The following NCOA1 variants were observed in gnomAD, a reference collection of about 807,000 sequenced individuals.
NCOA1 encodes nuclear receptor coactivator 1.
A neutral mutation model predicts 150.9 loss-of-function variants in NCOA1; 35 were observed. The observed-to-expected ratio is 0.23, with a 90% CI of 0.18 to 0.31. The LOEUF (loss-of-function observed/expected upper bound fraction) is 0.31. NCOA1 is among the 10% of genes least tolerant of loss of function. The pLI, the probability that NCOA1 is intolerant of heterozygous loss-of-function variation, is 1.00. For missense variants in NCOA1, 1,491 were observed against 1,749.3 expected, an observed-to-expected ratio of 0.85 and a Z score of 2.63; for synonymous variants, 590 against 630.0, an observed-to-expected ratio of 0.94 and a Z score of 0.95.
intron 1 of NCOA1, among the ~76,000 whole-genome samples, chr2:24,544,766 A>G (rs775285854): frequency 2.6e-5 from 4 of 152,186 alleles, no homozygotes; most frequent in Non-Finnish European, 5.9e-5. Flanking sequence ...GATTCTGTTA[A>G]TAAGACTTTC....
At chr2:24,534,149 A>G (rs947427052) in intron 1 of NCOA1, among the ~76,000 whole-genome samples, 4 of 152,060 alleles carry the variant, frequency 2.6e-5, no homozygotes, top group East Asian at 1.9e-4. Context: ...CAGAGATTCA[A>G]CTTCTTCCTG....
intron 19 of NCOA1, among the ~76,000 whole-genome samples, chr2:24,745,892 A>G (rs1005208353): frequency 3.3e-5 from 5 of 152,188 alleles, no homozygotes; most frequent in Non-Finnish European, 5.9e-5. Flanking sequence ...AACATTGTCT[A>G]TACTCTATCT....
chr2:24,585,322 G>A (rs963842384), intron 3 of NCOA1, among the ~76,000 whole-genome samples: 9 of 152,020 alleles, frequency 5.9e-5, no homozygotes, highest in Non-Finnish European at 1.3e-4. Flanking sequence ...CATGTTTTGT[G>A]CAAATACATT....
intron 13 of NCOA1, 75 bp from the exon 14 acceptor site, chr2:24,710,856 A>G: frequency 7.2e-7 from 1 of 1,397,210 alleles, no homozygotes; most frequent in African/African-American, 1.4e-5. Context: ...AGTTTAAAGA[A>G]GCAGCATTTT....
intron 3 of NCOA1, among the ~76,000 whole-genome samples, chr2:24,602,180 T>C (rs988475077): frequency 2.6e-5 from 4 of 152,036 alleles, no homozygotes; most frequent in African/African-American, 9.7e-5. Flanking sequence ...CAACAAGTAA[T>C]TGGATTGTTA....
chr2:24,651,794 T>G (rs940197135), intron 4 of NCOA1, among the ~76,000 whole-genome samples: 1 of 152,018 alleles, frequency 6.6e-6, no homozygotes, highest in Non-Finnish European at 1.5e-5. Flanking sequence ...CTTGGTGTCA[T>G]TAGTGATTAG....
At chr2:24,507,667 C>A (rs371277068) in intron 1 of NCOA1, among the ~76,000 whole-genome samples, 12 of 151,860 alleles carry the variant, frequency 7.9e-5, no homozygotes, top group African/African-American at 2.9e-4. Context: ...CTCCACGTCT[C>A]GGTACCAGGA....
At chr2:24,724,542 A>AT (rs1392276700) in intron 14 of NCOA1, among the ~76,000 whole-genome samples, 2 of 151,974 alleles carry the variant, frequency 1.3e-5, no homozygotes, top group African/African-American at 2.4e-5. Context: ...TAGTATGGGG[A>AT]TTTTTTTGTT....
At chr2:24,702,901 C>T (rs1673230894) in intron 11 of NCOA1, among the ~76,000 whole-genome samples, 1 of 152,198 alleles carries the variant, frequency 6.6e-6, no homozygotes, top group Admixed American at 6.5e-5. Context: ...GGAGCTGTGG[C>T]TACCTTACTC....
chr2:24,596,911 A>G (rs557081270), intron 3 of NCOA1, among the ~76,000 whole-genome samples: 4 of 152,298 alleles, frequency 2.6e-5, no homozygotes, highest in Admixed American at 6.5e-5. Context: ...TGGCTTTTCA[A>G]ACTGGAACAA....
intron 22 of NCOA1, among the ~76,000 whole-genome samples, chr2:24,764,759 T>C (rs1664961843): frequency 6.6e-6 from 1 of 152,206 alleles, no homozygotes; most frequent in South Asian, 2.1e-4. Context: ...AAAGGGAACA[T>C]CGATAGAAGT....
At chr2:24,722,418 G>A (rs1674399263) in intron 14 of NCOA1, among the ~76,000 whole-genome samples, 3 of 152,146 alleles carry the variant, frequency 2.0e-5, no homozygotes, top group Admixed American at 2.0e-4. Flanking sequence ...AATCCCTATT[G>A]TTTGAGGGTA....
intron 4 of NCOA1, among the ~76,000 whole-genome samples, chr2:24,648,279 AT>A (rs35773445): frequency 1.3e-4 from 19 of 148,956 alleles, no homozygotes; most frequent in African/African-American, 1.2e-4. Flanking sequence ...TCATATTGTG[AT>A]TTTTTTTTTT....
chr2:24,494,773 G>A (rs1267898892), intron 1 of NCOA1, among the ~76,000 whole-genome samples: 1 of 152,176 alleles, frequency 6.6e-6, no homozygotes, highest in East Asian at 1.9e-4. Flanking sequence ...CTGGGCTGCA[G>A]AACCGTATAA....
At chr2:24,664,477 GA>G (rs759669238) in intron 5 of NCOA1, among the ~76,000 whole-genome samples, 21 of 152,288 alleles carry the variant, frequency 1.4e-4, no homozygotes, top group East Asian at 9.6e-4. Flanking sequence ...TTGGGAGGCT[GA>G]GACGGGCGGA....
intron 1 of NCOA1, among the ~76,000 whole-genome samples, chr2:24,514,395 A>G (rs769063753): frequency 2.0e-5 from 3 of 151,960 alleles, no homozygotes; most frequent in Admixed American, 1.3e-4. Context: ...CATTACCTAT[A>G]TATTACTCGA....
intron 3 of NCOA1, among the ~76,000 whole-genome samples, chr2:24,634,543 A>C (rs1290472006): frequency 1.3e-5 from 2 of 152,192 alleles, no homozygotes; most frequent in African/African-American, 4.8e-5. Context: ...CATACGCCAG[A>C]ATCCAGCATC....
chr2:24,707,381 GACA>G lies in NCOA1; in HGVS notation c.1917_1919del (p.Thr640del), dbSNP rs1409561558. The stretch of plus-strand genomic sequence containing the variant: ...CCAGTCACAAACTAGTGCAGCTTTT[GACA>G]ACAACTGCCGAACAGCAGTTACGGC... On this transcript the variant is annotated inframe_deletion, in exon 13 of 23. Transcript: ENST00000348332. 2 of 1,614,158 alleles carry G rather than the reference GACA, an allele frequency of 1.2e-6. No homozygotes were observed. The highest frequency in any genetic ancestry group is 1.7e-6 in the Non-Finnish European group (2 of 1,180,036).
intron 1 of NCOA1, among the ~76,000 whole-genome samples, chr2:24,557,413 A>C (rs1196262696): frequency 6.6e-6 from 1 of 152,068 alleles, no homozygotes; most frequent in Non-Finnish European, 1.5e-5. Flanking sequence ...GTTGGTGAAT[A>C]ATCTACGGTG....
Sources: allele counts gnomAD v4.1 joint callset (sites outside exome capture counted in the v4.1 genomes callset), GRCh38; gene constraint gnomAD v4.1.1; transcripts MANE v1.5; gene names NCBI Gene and HGNC (gene_info 2026-07-23, HGNC 2026-07-21).